Variants in FBXL13 observed in about 807,000 individuals in gnomAD.
FBXL13 encodes F-box and leucine rich repeat protein 13, also known as F-box and leucine-rich repeat protein 13.
Under a neutral mutation model 83.6 loss-of-function variants are expected in FBXL13, and 67 were observed. The observed-to-expected ratio is 0.80, with a 90% CI of 0.66 to 0.98. The LOEUF is 0.98. FBXL13 is among the 50% of genes least tolerant of loss of function. FBXL13 has a pLI of 0.00. For synonymous variants in FBXL13, 272 were observed against 299.5 expected, an observed-to-expected ratio of 0.91 and a Z score of 0.95; for missense variants, 822 against 866.5, an observed-to-expected ratio of 0.95 and a Z score of 0.64.
chr7:102,836,350 G>A (rs1243968429), intron 17 of FBXL13, among the ~76,000 whole-genome samples: 4 of 152,138 alleles, frequency 2.6e-5, no homozygotes, highest in East Asian at 1.9e-4. Context: ...CTTAGAATTC[G>A]TGTTTTCCTT....
intron 8 of FBXL13, chr7:102,944,463 A>G: frequency 6.2e-7 from 1 of 1,614,072 alleles, no homozygotes. Flanking sequence ...AATATATTAG[A>G]AGTTACTATG....
chr7:102,959,242 T>C (rs1824785317), intron 8 of FBXL13, among the ~76,000 whole-genome samples: 1 of 152,108 alleles, frequency 6.6e-6, no homozygotes, highest in Non-Finnish European at 1.5e-5. Context: ...ATCAGAATTA[T>C]TCCATTTTGC....
chr7:102,846,175 C>G (rs1172109630), intron 17 of FBXL13, among the ~76,000 whole-genome samples: 3 of 152,148 alleles, frequency 2.0e-5, no homozygotes, highest in East Asian at 3.8e-4. Context: ...CTGCCTAACC[C>G]ACTAAACCTA....
At chr7:102,950,152 C>G (rs1823189183) in intron 8 of FBXL13, among the ~76,000 whole-genome samples, 1 of 151,958 alleles carries the variant, frequency 6.6e-6, no homozygotes. Flanking sequence ...AGAAAACAAC[C>G]TGGTTAAAAA....
intron 6 of FBXL13, among the ~76,000 whole-genome samples, chr7:102,974,941 A>G (rs1035792676): frequency 7.9e-5 from 12 of 151,956 alleles, no homozygotes; most frequent in Non-Finnish European, 1.5e-5. Flanking sequence ...GTCTGTACTC[A>G]TTACTCATTC....
At chr7:103,072,115 G>T (rs565355088) in intron 1 of FBXL13, among the ~76,000 whole-genome samples, 2 of 151,874 alleles carry the variant, frequency 1.3e-5, no homozygotes, top group African/African-American at 4.8e-5. Flanking sequence ...CCCAGGAGGC[G>T]GATGTTGCAG....
At chr7:102,949,283 T>C (rs935439623) in intron 8 of FBXL13, among the ~76,000 whole-genome samples, 1 of 152,176 alleles carries the variant, frequency 6.6e-6, no homozygotes, top group Non-Finnish European at 1.5e-5. Flanking sequence ...TTTTAACTTT[T>C]ATTTTAATTT....
At chr7:102,923,379 A>C (rs1817468149) in intron 10 of FBXL13, among the ~76,000 whole-genome samples, 1 of 152,196 alleles carries the variant, frequency 6.6e-6, no homozygotes, top group Admixed American at 6.5e-5. Context: ...GCTATCAATG[A>C]GAGGTCACCA....
intron 2 of FBXL13, chr7:103,055,096 C>CATCA (rs1366062582): frequency 7.8e-7 from 1 of 1,282,820 alleles, no homozygotes; most frequent in African/African-American, 1.5e-5. Flanking sequence ...ACCAGCTGAT[C>CATCA]ATCCAATTCA....
chr7:102,986,149 C>G (rs895383122), intron 6 of FBXL13, among the ~76,000 whole-genome samples: 35 of 152,196 alleles, frequency 2.3e-4, no homozygotes, highest in African/African-American at 7.2e-4. Flanking sequence ...GGTTTATGTG[C>G]TAATATTTGA....
At chr7:103,018,754 T>C (rs1792715590) in intron 6 of FBXL13, among the ~76,000 whole-genome samples, 1 of 152,136 alleles carries the variant, frequency 6.6e-6, no homozygotes, top group African/African-American at 2.4e-5. Flanking sequence ...GGTCAAGGGA[T>C]CAATTCAACA....
At chr7:102,950,237 T>G (rs1004400479) in intron 8 of FBXL13, among the ~76,000 whole-genome samples, 5 of 152,150 alleles carry the variant, frequency 3.3e-5, no homozygotes, top group African/African-American at 1.2e-4. Context: ...ACAAATGTCA[T>G]CAGGGAAATG....
Position 102,852,478 on chromosome 7 carries a change from C to G in FBXL13, c.1719+2299G>C, listed in dbSNP as rs1805411899. Among the ~76,000 whole-genome samples the G allele has an allele frequency of 2.0e-5, 3 of 152,070 alleles. No individual in the cohort carries two copies. The South Asian group carries it at 6.2e-4, about 32-fold the overall frequency. On this transcript the variant is annotated intron_variant, in intron 17 of 19. Transcript: ENST00000313221. ...ATCCAAAATCTACAACGAACTCAAA[C>G]AAATTAGCAAGAAAAAAACAAACAG...
rs552612181 is a variant in FBXL13 at position 103,065,923 on chromosome 7, G to A, written c.-105+8323C>T. Among the ~76,000 whole-genome samples, 7 of 152,354 alleles carry A rather than the reference G, an allele frequency of 4.6e-5. No homozygotes were observed. In the South Asian group the frequency reaches 8.3e-4, roughly 18 times the overall value. On this transcript the variant is annotated intron_variant, in intron 1 of 19. Coordinates refer to ENST00000313221, the Ensembl canonical transcript of FBXL13. Reference sequence around the variant, plus strand: ...AACTTGCTGAAGAGTGGGCACCACTGGGTGCACCACACACATGCTCCTGGA... The same window carrying A: ...AACTTGCTGAAGAGTGGGCACCACTAGGTGCACCACACACATGCTCCTGGA...
In FBXL13 at chr7:103,014,513, C is replaced by T. The variant is rs541148132; in HGVS notation, c.495+10550G>A. Among the ~76,000 whole-genome samples, 3 of 152,326 alleles carry T rather than the reference C, an allele frequency of 2.0e-5. No individual in the cohort carries two copies. In the East Asian group the frequency reaches 5.8e-4, roughly 29 times the overall value. ...TTGAGGAGGAGGAATGCCTCCCTAA[C>T]TCATTCTATGAGGCCAACATTATCC... is the stretch of plus-strand genomic sequence containing the variant. On this transcript the variant is annotated intron_variant, in intron 6 of 19. Transcript: ENST00000313221.
intron 11 of FBXL13, among the ~76,000 whole-genome samples, chr7:102,909,663 AGT>A (rs1032234753): frequency 6.6e-6 from 1 of 152,096 alleles, no homozygotes; most frequent in African/African-American, 2.4e-5. Context: ...TCTGGCCCAG[AGT>A]GTGTCTAGAA....
intron 16 of FBXL13, among the ~76,000 whole-genome samples, chr7:102,864,809 T>C (rs563129114): frequency 1.9e-4 from 29 of 152,352 alleles, no homozygotes; most frequent in African/African-American, 6.7e-4. Context: ...CTTACATGCA[T>C]TGCCTTACTT....
chr7:102,903,945 T>TTTTC (rs1563068168), intron 11 of FBXL13, among the ~76,000 whole-genome samples: 4 of 142,776 alleles, frequency 2.8e-5, no homozygotes, highest in African/African-American at 7.9e-5. Flanking sequence ...TTTTCTTTTT[T>TTTTC]TTTTTTTTTT....
At chr7:102,883,274 T>C (rs1341179982) in intron 14 of FBXL13, 31 bp downstream of exon 15, 57 of 1,581,522 alleles carry the variant, frequency 3.6e-5, no homozygotes, top group Non-Finnish European at 4.6e-5. Flanking sequence ...TAATCAACGT[T>C]TCTTGAATAT....
Sources: gnomAD v4.1 joint callset for allele counts (sites outside exome capture counted in the v4.1 genomes callset) on GRCh38, gnomAD v4.1.1 for gene constraint, MANE v1.5 for transcripts, NCBI Gene and HGNC (gene_info 2026-07-23, HGNC 2026-07-21) for gene names.